The following TAP2 variants were observed in gnomAD, a reference collection of about 807,000 sequenced individuals.
TAP2 encodes the protein antigen peptide transporter 2.
A neutral mutation model predicts 74.7 loss-of-function variants in TAP2; 49 were observed. The ratio of observed to expected loss-of-function variants is 0.66; its 90% CI spans 0.52 to 0.83. The LOEUF is 0.83. Ranked by LOEUF, TAP2 falls within the 40% of genes least tolerant of loss-of-function variation. The pLI, the probability that TAP2 is intolerant of heterozygous loss-of-function variation, is 0.00. For missense variants in TAP2, 739 were observed against 859.0 expected (o/e 0.86, Z 1.75); for synonymous variants, 306 against 368.4 (o/e 0.83, Z 1.94).
At position 32,835,432 on chromosome 6, in the gene TAP2, C is replaced by G. The variant is rs1655093053; in HGVS notation, c.740-73G>C. 2.3e-5 allele frequency: 36 copies of G among 1,544,600 alleles called. No individual in the cohort carries two copies. The highest frequency in any genetic ancestry group is 3.1e-5 in the Non-Finnish European group (35 of 1,123,362). On this transcript the variant is annotated intron_variant, in intron 4 of 11. Coordinates refer to ENST00000374897, the MANE Select transcript of TAP2 (RefSeq NM_001290043.2). This position sits in a 1 kb window ranked among gnomAD's most constrained non-coding sequence, Gnocchi z 4.0. ...AGGGCCCCCAGAAACTCCCTCCTGA[C>G]CGTTCCCTCTGACACAGCCCCCTCC...
At position 32,826,351 on chromosome 6, in the gene TAP2, C is replaced by A; in HGVS notation, c.*2555G>T. On this transcript the variant is annotated 3_prime_UTR_variant, in exon 12 of 12. Coordinates refer to ENST00000374897, the MANE Select transcript of TAP2 (RefSeq NM_001290043.2). Reference sequence around the variant, plus strand: ...GCTTTCCCCTCTCCATTCATACTTTCCTTTAGAAAGAATAAGGCATGCCTG... The same window carrying A: ...GCTTTCCCCTCTCCATTCATACTTTACTTTAGAAAGAATAAGGCATGCCTG... The A allele has an allele frequency of 1.0e-6, 1 of 985,370 alleles. No individual in the cohort carries two copies. Among genetic ancestry groups the A allele is most frequent in the Non-Finnish European group, 1.2e-6 (1 of 829,946 alleles). 61.0% of individuals were successfully genotyped at this position (985,370 alleles called of 1,614,324 possible).
chr6:32,835,631 T>A lies in TAP2; in HGVS notation c.739+12A>T, dbSNP rs28724898. ...GTCCATGGGAATCTCAGACCTGGAC[T>A]CCAGGCCCCACCTGTCTTAGTCTCC... On this transcript the variant is annotated intron_variant, in intron 4 of 11. Coordinates refer to ENST00000374897, the MANE Select transcript of TAP2 (RefSeq NM_001290043.2). This position sits in a 1 kb window ranked among gnomAD's most constrained non-coding sequence, Gnocchi z 4.0. 63,666 of 1,612,946 alleles carry A rather than the reference T, an allele frequency of 0.039. 1,581 individuals are homozygous for A. The highest frequency in any genetic ancestry group is 0.089 in the African/African-American group (6,636 of 74,980).
Position 32,838,357 on chromosome 6 carries a change from C to CT in TAP2, c.-4-121_-4-120insA, listed in dbSNP as rs1430376997. The CT allele has an allele frequency of 3.0e-3, 4,018 of 1,360,296 alleles. 11 individuals carry two copies. The highest frequency in any genetic ancestry group is 3.6e-3 in the Non-Finnish European group (3,736 of 1,041,258). 84.3% of individuals were successfully genotyped at this position (1,360,296 alleles called of 1,614,324 possible). A position where few individuals can be genotyped will look rare whatever the true frequency, so the allele number is the denominator to read the frequency against. The stretch of plus-strand genomic sequence containing the variant: ...GGCTTCTCATTTTATCCTATTCAAC[C>CT]CTGAGAGCTCTCCTGAGTAACCGGT... On this transcript the variant is annotated intron_variant, in intron 1 of 11. Transcript: ENST00000374897.
At position 32,829,454 on chromosome 6, in the gene TAP2, C is replaced by T. The variant is rs141926520; in HGVS notation, c.1878G>A (p.Arg626=). ...AIARALVRDP[R]VLILDEATSA... is the part of the protein sequence containing the mutation. ...TAGTAGCCTCATCCAGGATGAGGAC[C>T]CGCGGGTCTCGTACAAGGGCCCGGG... Residue 626 remains arginine, a synonymous_variant, in exon 11 of 12, where the codon CGG becomes CGA. Coordinates refer to ENST00000374897, the MANE Select transcript of TAP2 (RefSeq NM_001290043.2). The T allele has an allele frequency of 2.7e-4, 429 of 1,613,190 alleles. 2 individuals carry two copies. The African/African-American group carries it at 4.4e-3, about 16-fold the overall frequency.
In TAP2 at chr6:32,832,496, T is replaced by C. The variant is rs967498298; in HGVS notation, c.1144-35A>G. On this transcript the variant is annotated intron_variant, in intron 6 of 11. Coordinates refer to ENST00000374897, the MANE Select transcript of TAP2 (RefSeq NM_001290043.2). The surrounding 1 kb of genome is among the most constrained non-coding windows in gnomAD (Gnocchi z 5.9). Reference sequence around the variant, plus strand: ...GAGAAGAAAGAGATGAGGCTGGGAATCTTCCCATTCTTTCCCCCTCTCTGC... The same window carrying C: ...GAGAAGAAAGAGATGAGGCTGGGAACCTTCCCATTCTTTCCCCCTCTCTGC... 1.9e-6 allele frequency: 3 copies of C among 1,611,106 alleles called. No individual in the cohort carries two copies. The South Asian group carries it at 3.3e-5, about 18-fold the overall frequency.
At chr6:32,825,126 T>TTATATATATATA (rs28381588), downstream of TAP2, among the ~76,000 whole-genome samples, 116 of 140,754 alleles carry the variant, frequency 8.2e-4, 3 homozygotes, top group East Asian at 3.0e-3. Context: ...TGTCTGTTGG[T>TTATATATATATA]TATATACATA....
At chr6:32,821,958 A>C, downstream of TAP2, 2 of 279,688 alleles carry the variant, frequency 7.2e-6, no homozygotes, top group African/African-American at 2.2e-5. Context: ...ACATGAGGGG[A>C]AGGGGCTGGG....
rs536822325 is a variant in TAP2 at position 32,837,802 on chromosome 6, G to A, written c.432C>T (p.Leu144=). 3.5e-5 allele frequency: 57 copies of A among 1,614,116 alleles called. No homozygotes were observed. The Admixed American group carries it at 9.0e-4, about 25-fold the overall frequency. Residue 144 remains leucine (L), a synonymous_variant, in exon 2 of 12, where the codon CTC becomes CTT. Coordinates refer to ENST00000374897, the MANE Select transcript of TAP2 (RefSeq NM_001290043.2). ...NKVLMWRLLK[L]SRPDLPLLVA... ...CGAGGAGAGGCAGGTCCGGCCTGGA[G>A]AGCTTCAGCAGCCTCCACATCAAGA...
chr6:32,828,343 A>G lies in TAP2; in HGVS notation c.*563T>C, dbSNP rs1258496312. The G allele has an allele frequency of 1.0e-6, 1 of 985,498 alleles. No homozygotes were observed. Among genetic ancestry groups the G allele is most frequent in the African/African-American group, 1.7e-5 (1 of 57,226 alleles). 61.0% of individuals were successfully genotyped at this position (985,498 alleles called of 1,614,324 possible). On this transcript the variant is annotated 3_prime_UTR_variant, in exon 12 of 12. Transcript: ENST00000374897. ...CTCCAGACCCTAGCTTCTTCAAAAT[A>G]GCAGACACTGGTAGGAACAAGGAAG... is the stretch of plus-strand genomic sequence containing the variant.
At chr6:32,822,262 T>C (rs1351630859), downstream of TAP2, 1 of 1,518,872 alleles carries the variant, frequency 6.6e-7, no homozygotes, top group Non-Finnish European at 9.1e-7. Context: ...TTTGAACTCA[T>C]TATTCCCAGG....
chr6:32,832,300 A>G lies in TAP2; in HGVS notation c.1272+33T>C. On this transcript the variant is annotated intron_variant, in intron 7 of 11. Coordinates refer to ENST00000374897, the MANE Select transcript of TAP2 (RefSeq NM_001290043.2). This position sits in a 1 kb window ranked among gnomAD's most constrained non-coding sequence, Gnocchi z 5.9. The stretch of plus-strand genomic sequence containing the variant: ...GGAGTCCACAAAGAAAAAGAGAGGG[A>G]AAAAAGGAGAGCAGGCTTGGCTTCT... The G allele has an allele frequency of 6.2e-7, 1 of 1,612,622 alleles. No homozygotes were observed.
At position 32,835,043 on chromosome 6, in the gene TAP2, T is replaced by C. The variant is rs241430; in HGVS notation, c.945+111A>G. The C allele has an allele frequency of 0.6, 683,340 of 1,136,624 alleles. 207,151 individuals are homozygous for C. Among genetic ancestry groups the C allele is most frequent in the Non-Finnish European group, 0.61 (465,657 of 767,260 alleles). The allele number at this position is 1,136,624 out of a possible 1,614,324, so 70.4% of individuals were successfully genotyped here. A position where few individuals can be genotyped will look rare whatever the true frequency, so the allele number is the denominator to read the frequency against. On this transcript the variant is annotated intron_variant, in intron 5 of 11. Coordinates refer to ENST00000374897, the MANE Select transcript of TAP2 (RefSeq NM_001290043.2). This position sits in a 1 kb window ranked among gnomAD's most constrained non-coding sequence, Gnocchi z 4.0. ...TACTACAATATACCTTCTCCCCTAA[T>C]GGCTGAGAAGAGAACATCTCTCTCT...
At chr6:32,823,180 A>T (rs1445998222), downstream of TAP2, among the ~76,000 whole-genome samples, 4 of 152,186 alleles carry the variant, frequency 2.6e-5, no homozygotes, top group African/African-American at 9.6e-5. Context: ...TTGGCCTACC[A>T]AAGTGCTGAG....
Position 32,827,187 on chromosome 6 carries a change from G to T in TAP2, c.*1719C>A, listed in dbSNP as rs550942918. 507 of 985,520 alleles carry T rather than the reference G, an allele frequency of 5.1e-4. No homozygotes were observed. Among genetic ancestry groups the T allele is most frequent in the Non-Finnish European group, 5.2e-4 (432 of 829,940 alleles). 61.0% of individuals were successfully genotyped at this position (985,520 alleles called of 1,614,324 possible). A position where few individuals can be genotyped will look rare whatever the true frequency, so the allele number is the denominator to read the frequency against. ...ACTGGAAACTACCTGCTGTTTCCAG[G>T]AATATGAAGGTTTCTCTTTCCTAGA... On this transcript the variant is annotated 3_prime_UTR_variant, in exon 12 of 12. Transcript: ENST00000374897.
intron 5 of TAP2, among the ~76,000 whole-genome samples, chr6:32,834,313 A>G (rs568294746): frequency 6.6e-5 from 10 of 152,258 alleles, no homozygotes; most frequent in Non-Finnish European, 1.2e-4. Context: ...CTTAAAAGGG[A>G]GGAAATTCTA....
intron 10 of TAP2, 57 bp downstream of exon 10, chr6:32,829,869 AGAGT>A: frequency 1.2e-6 from 2 of 1,607,486 alleles, no homozygotes; most frequent in Non-Finnish European, 1.7e-6. Flanking sequence ...TTCACCACTA[AGAGT>A]AAGTCTGATT....
At position 32,832,268 on chromosome 6, in the gene TAP2, A is replaced by T; in HGVS notation, c.1272+65T>A. On this transcript the variant is annotated intron_variant, in intron 7 of 11. Transcript: ENST00000374897. This position sits in a 1 kb window ranked among gnomAD's most constrained non-coding sequence, Gnocchi z 5.9. ...TGTTAAAAAGAACAAATAAAGCCCAAGGCCCAGGAGTCCACAAAGAAAAAG... is the reference window on the plus strand; with the variant it reads ...TGTTAAAAAGAACAAATAAAGCCCATGGCCCAGGAGTCCACAAAGAAAAAG... 1 of 1,610,344 alleles carries T rather than the reference A, an allele frequency of 6.2e-7. No individual in the cohort carries two copies. The highest frequency in any genetic ancestry group is 8.5e-7 in the Non-Finnish European group (1 of 1,178,398).
In TAP2 at chr6:32,830,630, C is replaced by G. The variant is rs2127355541; in HGVS notation, c.1449G>C (p.Arg483Ser). ...VSFAYPNRPD[R>S]PVLKGLTFTL... is the part of the protein sequence containing the mutation. ...CTCTTTCAGGCACCTTGAGCACAGG[C>G]CTGTCAGGGCGATTGGGATATGCAA... is the stretch of plus-strand genomic sequence containing the variant. The change falls in exon 8 of 12, where the codon AGG becomes AGC. Residue 483 changes from arginine to serine, a missense_variant. Transcript: ENST00000374897. 6.2e-7 allele frequency: 1 copy of G among 1,613,052 alleles called. No homozygotes were observed.
Position 32,826,610 on chromosome 6 carries a change from G to A in TAP2, c.*2296C>T. 2 of 985,392 alleles carry A rather than the reference G, an allele frequency of 2.0e-6. No homozygotes were observed. Among genetic ancestry groups the A allele is most frequent in the Non-Finnish European group, 2.4e-6 (2 of 829,926 alleles). 61.0% of individuals were successfully genotyped at this position (985,392 alleles called of 1,614,324 possible). On this transcript the variant is annotated 3_prime_UTR_variant, in exon 12 of 12. Transcript: ENST00000374897. ...TCCCTGACATAAAGCCTACCTGGGA[G>A]TTTCCCCTGAGATAAGAAACTTTCA...
Sources: gnomAD v4.1 joint callset for allele counts (sites outside exome capture counted in the v4.1 genomes callset) on GRCh38, gnomAD v4.1.1 for gene constraint, Gnocchi (gnomAD v3.1) non-coding constraint, MANE v1.5 for transcripts, NCBI Gene and HGNC (gene_info 2026-07-23, HGNC 2026-07-21) for gene names.